Variants in CDCA7L observed in about 807,000 individuals in gnomAD.
The protein encoded by CDCA7L is cell division cycle-associated 7-like protein.
Under a neutral mutation model 57.4 loss-of-function variants are expected in CDCA7L, and 44 were observed. The observed-to-expected ratio is 0.77, with a 90% CI of 0.60 to 0.98. The LOEUF is 0.98. CDCA7L is among the 50% of genes least tolerant of loss of function. The probability of loss-of-function intolerance (pLI) is 0.00; values close to 1 mark genes in which losing one functional copy is unlikely to be tolerated. For missense variants in CDCA7L, 644 were observed against 580.6 expected (o/e 1.11, Z -1.12); for synonymous variants, 236 against 202.8 (o/e 1.16, Z -1.39).
chr7:21,901,666 AATTAAATT>A lies in CDCA7L; in HGVS notation c.*648_*655del, dbSNP rs1176547447. ...AGATTTTAATTTTTAACAAACAACA[AATTAAATT>A]ATTAGCCCTTAAACTCTTTCAAAAT... On this transcript the variant is annotated 3_prime_UTR_variant, in exon 10 of 10. Transcript: ENST00000406877. 6.4e-6 allele frequency: 1 copy of A among 157,144 alleles called. No homozygotes were observed. Among genetic ancestry groups the A allele is most frequent in the Non-Finnish European group, 1.4e-5 (1 of 71,232 alleles). The allele number at this position is 157,144 out of a possible 1,614,324, so 9.7% of individuals were successfully genotyped here. A position where few individuals can be genotyped will look rare whatever the true frequency, so the allele number is the denominator to read the frequency against.
chr7:21,913,680 A>G (rs1209956652), intron 2 of CDCA7L, among the ~76,000 whole-genome samples: 2 of 152,208 alleles, frequency 1.3e-5, no homozygotes, highest in Non-Finnish European at 2.9e-5. Flanking sequence ...GCCCCTGCCT[A>G]GGGCCTGAAG....
rs199585313 is a variant in CDCA7L at position 21,903,051 on chromosome 7, G to A, written c.1261C>T (p.Arg421Cys). Residue 421 changes from arginine (R) to cysteine (C), a missense_variant, in exon 9 of 10, where the codon CGC becomes TGC. Coordinates refer to ENST00000406877, the MANE Select transcript of CDCA7L (RefSeq NM_018719.5). ...TGAATGAGGATTCCTGTGGCACAGC[G>A]GCCGTCACGCTTCCGACAGTAGCTG... ...NCSYCRKRDGRCATGILIHLA... is the reference protein window; with the variant it reads ...NCSYCRKRDGCCATGILIHLA... 2.4e-4 allele frequency: 389 copies of A among 1,613,972 alleles called. No homozygotes were observed. The highest frequency in any genetic ancestry group is 3.0e-4 in the Non-Finnish European group (355 of 1,179,876).
chr7:21,901,166 CCAGCTA>C lies in CDCA7L; in HGVS notation c.*1150_*1155del, dbSNP rs765991794. On this transcript the variant is annotated 3_prime_UTR_variant, in exon 10 of 10. Transcript: ENST00000406877. ...GTGTATAGAACCAAACTGAGAGGCC[CCAGCTA>C]CATCTGGACCTTCAGGCTGAAGAGC... 6.2e-7 allele frequency: 1 copy of C among 1,611,754 alleles called. No homozygotes were observed. The highest frequency in any genetic ancestry group is 1.1e-5 in the South Asian group (1 of 91,058).
At chr7:21,908,534 A>G in intron 3 of CDCA7L, 27 bp from the exon 4 acceptor site, 6 of 1,495,984 alleles carry the variant, frequency 4.0e-6, no homozygotes, top group Non-Finnish European at 5.3e-6. Context: ...AAGAAAAAGC[A>G]CAAAGACACT....
rs1422978036 is a variant in CDCA7L, at chr7:21,902,357, G to GAAA, written c.1335-8_1335-6dup. 4 of 1,613,442 alleles carry GAAA rather than the reference G, an allele frequency of 2.5e-6. No homozygotes were observed. The African/African-American group carries it at 5.3e-5, about 22-fold the overall frequency. Reference sequence around the variant, plus strand: ...TCTACCAGCTCCTTTTGTAAGCTGGGAAAAAGATGAGAAGTATTTGGTAAA... The same window carrying GAAA: ...TCTACCAGCTCCTTTTGTAAGCTGGGAAAAAAAAGATGAGAAGTATTTGGTAAA... On this transcript the variant is annotated splice_region_variant and splice_polypyrimidine_tract_variant and intron_variant, in intron 9 of 9. Coordinates refer to ENST00000406877, the MANE Select transcript of CDCA7L (RefSeq NM_018719.5).
chr7:21,904,022 A>G (rs1167584631), intron 8 of CDCA7L, 88 bp downstream of exon 8: 2 of 1,297,562 alleles, frequency 1.5e-6, no homozygotes, highest in Admixed American at 2.7e-5. Flanking sequence ...GGAGCTCCCT[A>G]GTTCCCAGTG....
rs556809914 is a variant in CDCA7L, at chr7:21,901,416, A to AAACT, written c.*902_*905dup. On this transcript the variant is annotated 3_prime_UTR_variant, in exon 10 of 10. Coordinates refer to ENST00000406877, the MANE Select transcript of CDCA7L (RefSeq NM_018719.5). ...AGTGAAAGTCAGAAAAAAATACTAGAAACTAACTCAGGGCTGAGCGTGGTG... is the reference window on the plus strand; with the variant it reads ...AGTGAAAGTCAGAAAAAAATACTAGAAACTAACTAACTCAGGGCTGAGCGTGGTG... The AAACT allele has an allele frequency of 1.3e-4, 141 of 1,051,498 alleles. 1 individual carries two copies. The African/African-American group carries it at 2.0e-3, about 15-fold the overall frequency. 65.1% of individuals were successfully genotyped at this position (1,051,498 alleles called of 1,614,324 possible).
intron 1 of CDCA7L, among the ~76,000 whole-genome samples, chr7:21,943,077 C>A (rs1786393913): frequency 6.6e-6 from 1 of 152,242 alleles, no homozygotes; most frequent in Non-Finnish European, 1.5e-5. Context: ...TCCTACGGAG[C>A]TGCAGCAAGC....
intron 2 of CDCA7L, among the ~76,000 whole-genome samples, chr7:21,916,514 TAAAAAAAAAAAA>T (rs71557529): frequency 9.5e-6 from 1 of 105,150 alleles, no homozygotes; most frequent in Non-Finnish European, 1.9e-5. Flanking sequence ...TCCCTTTATT[TAAAAAAAAAAAA>T]AAAAAAAAAA....
intron 1 of CDCA7L, among the ~76,000 whole-genome samples, chr7:21,919,018 A>G (rs148636441): frequency 4.6e-5 from 7 of 152,158 alleles, no homozygotes; most frequent in Non-Finnish European, 8.8e-5. Context: ...GACAGGGTCT[A>G]TGTTACCCAG....
intron 1 of CDCA7L, among the ~76,000 whole-genome samples, chr7:21,945,562 GC>G (rs1171291366): frequency 6.6e-6 from 1 of 152,038 alleles, no homozygotes; most frequent in African/African-American, 2.4e-5. Flanking sequence ...GCGGTTGTGT[GC>G]TGGGGCGACC....
At chr7:21,917,719 A>G (rs1010332058) in intron 1 of CDCA7L, among the ~76,000 whole-genome samples, 8 of 152,246 alleles carry the variant, frequency 5.3e-5, no homozygotes, top group Admixed American at 5.2e-4. Context: ...TTTTTAACTT[A>G]GGAAAATAGC....
intron 1 of CDCA7L, among the ~76,000 whole-genome samples, chr7:21,940,696 G>GATGC (rs1233773761): frequency 6.6e-6 from 1 of 152,228 alleles, no homozygotes; most frequent in African/African-American, 2.4e-5. Context: ...ACCTGCTGTA[G>GATGC]ATGCACAGGT....
chr7:21,932,433 G>A (rs1786045174), intron 1 of CDCA7L, among the ~76,000 whole-genome samples: 1 of 152,142 alleles, frequency 6.6e-6, no homozygotes, highest in South Asian at 2.1e-4. Context: ...AAAACAGCAT[G>A]GTACTGGTAC....
intron 1 of CDCA7L, among the ~76,000 whole-genome samples, chr7:21,943,189 A>C (rs186707869): frequency 6.6e-6 from 1 of 152,362 alleles, no homozygotes; most frequent in African/African-American, 2.4e-5. Context: ...ACAAAGACAC[A>C]GTGGTCAGCA....
chr7:21,933,566 C>T (rs1455952827), intron 1 of CDCA7L, among the ~76,000 whole-genome samples: 6 of 152,128 alleles, frequency 3.9e-5, no homozygotes. Flanking sequence ...GAAAACCAAA[C>T]ACCACATATT....
rs1429874402 is a variant in CDCA7L at position 21,908,104 on chromosome 7, C to T, written c.681+26G>A. 4.0e-6 allele frequency: 6 copies of T among 1,496,086 alleles called. No homozygotes were observed. The African/African-American group carries it at 5.6e-5, about 14-fold the overall frequency. 92.7% of individuals were successfully genotyped at this position (1,496,086 alleles called of 1,614,324 possible). On this transcript the variant is annotated intron_variant, in intron 4 of 9. Coordinates refer to ENST00000406877, the MANE Select transcript of CDCA7L (RefSeq NM_018719.5). The stretch of plus-strand genomic sequence containing the variant: ...TGCTGCCAGAGCCTGGTGCCAACTC[C>T]CAGGACGCCCTCCGTGAAGCCTCAC...
intron 2 of CDCA7L, among the ~76,000 whole-genome samples, chr7:21,912,069 C>T (rs1785347466): frequency 6.6e-6 from 1 of 151,922 alleles, no homozygotes; most frequent in Admixed American, 6.6e-5. Flanking sequence ...CAAGACCAGC[C>T]TGAGCAACAT....
intron 1 of CDCA7L, among the ~76,000 whole-genome samples, chr7:21,943,114 A>G (rs1367195748): frequency 6.6e-6 from 1 of 152,170 alleles, no homozygotes; most frequent in Non-Finnish European, 1.5e-5. Context: ...TGCACTGTTG[A>G]CAGCTCTTAG....
Sources: allele counts gnomAD v4.1 joint callset (sites outside exome capture counted in the v4.1 genomes callset), GRCh38; gene constraint gnomAD v4.1.1; transcripts MANE v1.5; gene names NCBI Gene and HGNC (gene_info 2026-07-23, HGNC 2026-07-21).